Variants in AHCYL2 observed in about 807,000 individuals in gnomAD.
AHCYL2 encodes adenosylhomocysteinase like 2, also known as S-adenosylhomocysteine hydrolase-like protein 2.
AHCYL2 carries 28 observed loss-of-function variants against 81.4 expected under a neutral mutation model. That is an observed-to-expected ratio of 0.34 (90% CI 0.25 to 0.47). The LOEUF is 0.47. Among genes scored for constraint, AHCYL2 ranks in the 20% least tolerant of loss-of-function variants. AHCYL2 has a pLI of 1.00. For missense variants in AHCYL2, 551 were observed against 785.1 expected (o/e 0.70, Z 3.56); for synonymous variants, 272 against 290.2 (o/e 0.94, Z 0.64).
chr7:129,319,678 A>G (rs1797947982), intron 1 of AHCYL2, among the ~76,000 whole-genome samples: 1 of 152,200 alleles, frequency 6.6e-6, no homozygotes, highest in South Asian at 2.1e-4. Flanking sequence ...TCTTAAACAT[A>G]CAATATGAAC....
At chr7:129,391,104 G>A (rs1325110401) in intron 4 of AHCYL2, among the ~76,000 whole-genome samples, 1 of 152,076 alleles carries the variant, frequency 6.6e-6, no homozygotes, top group East Asian at 1.9e-4. Context: ...TCAGATATTT[G>A]TACTATTTCA....
At position 129,368,487 on chromosome 7, in the gene AHCYL2, C is replaced by T. The variant is rs745634415; in HGVS notation, c.364-11151C>T. Reference sequence around the variant, plus strand: ...TGCTTCAGGACATATCTTACCCAAGCCTGCACTATGGAGAAGTGGGACGGT... The same window carrying T: ...TGCTTCAGGACATATCTTACCCAAGTCTGCACTATGGAGAAGTGGGACGGT... On this transcript the variant is annotated intron_variant, in intron 1 of 16. Coordinates refer to ENST00000325006, the MANE Select transcript of AHCYL2 (RefSeq NM_015328.4). This position sits in a 1 kb window ranked among gnomAD's most constrained non-coding sequence, Gnocchi z 4.4. 5.0e-6 allele frequency: 8 copies of T among 1,613,904 alleles called. No individual in the cohort carries two copies. The highest frequency in any genetic ancestry group is 4.5e-5 in the East Asian group (2 of 44,896).
At chr7:129,255,715 G>A (rs1015904485) in intron 1 of AHCYL2, among the ~76,000 whole-genome samples, 1 of 152,130 alleles carries the variant, frequency 6.6e-6, no homozygotes, top group Non-Finnish European at 1.5e-5. Flanking sequence ...TGGCGCGGTG[G>A]TCCACGCCTG....
chr7:129,378,516 A>G (rs1794799760), intron 1 of AHCYL2, among the ~76,000 whole-genome samples: 1 of 152,218 alleles, frequency 6.6e-6, no homozygotes, highest in Non-Finnish European at 1.5e-5. Flanking sequence ...CCTGTGAGGT[A>G]AGTACTTTTA....
intron 1 of AHCYL2, among the ~76,000 whole-genome samples, chr7:129,367,030 G>A (rs958599470): frequency 9.2e-5 from 14 of 152,136 alleles, no homozygotes; most frequent in African/African-American, 2.7e-4. Flanking sequence ...ACAAATGGTT[G>A]CATTCTTTTG....
At chr7:129,410,099 A>C in intron 11 of AHCYL2, 1 of 1,485,402 alleles carries the variant, frequency 6.7e-7, no homozygotes, top group South Asian at 1.3e-5. Context: ...TCTGGCATGC[A>C]AGATAATCCA....
In AHCYL2 at chr7:129,225,109, C is replaced by T. The variant is rs758791477; in HGVS notation, c.33C>T (p.Ala11=). The change falls in exon 1 of 17, where the codon GCC becomes GCT. Residue 11 remains alanine, a synonymous_variant. Coordinates refer to ENST00000325006, the MANE Select transcript of AHCYL2 (RefSeq NM_015328.4). The part of the protein sequence containing the change: MSVQVVSAAA[A]AKVPEVELKD... The stretch of plus-strand genomic sequence containing the variant: ...TGCAGGTTGTGTCAGCCGCGGCTGC[C>T]GCCAAGGTGCCTGAGGTGGAGCTGA... 5 of 1,600,056 alleles carry T rather than the reference C, an allele frequency of 3.1e-6. No individual in the cohort carries two copies. Among genetic ancestry groups the T allele is most frequent in the East Asian group, 4.5e-5 (2 of 44,258 alleles).
At chr7:129,340,876 C>CT (rs913309341) in intron 1 of AHCYL2, among the ~76,000 whole-genome samples, 3 of 151,986 alleles carry the variant, frequency 2.0e-5, no homozygotes, top group Non-Finnish European at 2.9e-5. Context: ...TATGATCATG[C>CT]TTTTTTTACA....
intron 1 of AHCYL2, among the ~76,000 whole-genome samples, chr7:129,305,101 T>A (rs1450859856): frequency 6.6e-6 from 1 of 152,178 alleles, no homozygotes; most frequent in Non-Finnish European, 1.5e-5. Context: ...TAATATCTTA[T>A]AACCCATTAT....
At chr7:129,245,641 A>G (rs1333969058) in intron 1 of AHCYL2, among the ~76,000 whole-genome samples, 1 of 152,160 alleles carries the variant, frequency 6.6e-6, no homozygotes. Context: ...ACTTAGCATA[A>G]TATCTTCAAG....
At chr7:129,366,927 A>G (rs1794143566) in intron 1 of AHCYL2, among the ~76,000 whole-genome samples, 1 of 152,232 alleles carries the variant, frequency 6.6e-6, no homozygotes, top group Non-Finnish European at 1.5e-5. Context: ...ATGAGACATC[A>G]ATCAACATAT....
At chr7:129,251,489 A>AT (rs898326258) in intron 1 of AHCYL2, among the ~76,000 whole-genome samples, 1 of 151,870 alleles carries the variant, frequency 6.6e-6, no homozygotes, top group Non-Finnish European at 1.5e-5. Context: ...TTTAAACAGG[A>AT]TTTTTTTCCA....
intron 1 of AHCYL2, among the ~76,000 whole-genome samples, chr7:129,366,221 C>T (rs1179693656): frequency 6.6e-6 from 1 of 152,100 alleles, no homozygotes; most frequent in Non-Finnish European, 1.5e-5. Context: ...GCCTGCTCTC[C>T]ACCCTCCCTG....
intron 1 of AHCYL2, among the ~76,000 whole-genome samples, chr7:129,350,275 A>G (rs1793510139): frequency 6.6e-6 from 1 of 152,168 alleles, no homozygotes; most frequent in Non-Finnish European, 1.5e-5. Context: ...CAGTTGTGAA[A>G]TGGTGATAAT....
chr7:129,389,797 G>A (rs1795379854), intron 4 of AHCYL2, 63 bp downstream of exon 4: 1 of 1,378,776 alleles, frequency 7.3e-7, no homozygotes. Flanking sequence ...GCTACTGAAA[G>A]CTTACAACAT....
At chr7:129,408,333 T>C (rs1005779413) in intron 10 of AHCYL2, among the ~76,000 whole-genome samples, 2 of 152,118 alleles carry the variant, frequency 1.3e-5, no homozygotes, top group Non-Finnish European at 2.9e-5. Flanking sequence ...AAGGCCAGTA[T>C]GTATTAGAGA....
chr7:129,367,975 G>A (rs1794188314), intron 1 of AHCYL2: 1 of 432,144 alleles, frequency 2.3e-6, no homozygotes, highest in African/African-American at 2.1e-5. Context: ...TGATTTCAAG[G>A]AAACGCCTGT....
chr7:129,403,564 G>A (rs1796131547), intron 7 of AHCYL2, 79 bp downstream of exon 7: 1 of 1,039,322 alleles, frequency 9.6e-7, no homozygotes, highest in South Asian at 1.8e-5. Flanking sequence ...TAAAACACAT[G>A]TTAAAAATTG....
At chr7:129,341,949 G>A (rs908144639) in intron 1 of AHCYL2, among the ~76,000 whole-genome samples, 19 of 152,158 alleles carry the variant, frequency 1.2e-4, no homozygotes, top group African/African-American at 4.6e-4. Context: ...CTGTTAAGTG[G>A]TACAGGCAGT....
Sources: gnomAD v4.1 joint callset for allele counts (sites outside exome capture counted in the v4.1 genomes callset) on GRCh38, gnomAD v4.1.1 for gene constraint, Gnocchi (gnomAD v3.1) non-coding constraint, MANE v1.5 for transcripts, NCBI Gene and HGNC (gene_info 2026-07-23, HGNC 2026-07-21) for gene names.